U2AF2: variants seen among roughly 807,000 people sequenced by gnomAD.
U2AF2 encodes U2 small nuclear RNA auxiliary factor 2.
In U2AF2, 6 loss-of-function variants were observed where a neutral mutation model predicts 52.6. The observed-to-expected ratio is 0.11, with a 90% CI of 0.06 to 0.23. The LOEUF is 0.23. U2AF2 is among the 10% of genes least tolerant of loss of function. The pLI, the probability that U2AF2 is intolerant of heterozygous loss-of-function variation, is 1.00. For synonymous variants in U2AF2, 284 were observed against 258.2 expected (o/e 1.10, Z -0.96); for missense variants, 222 against 677.1 (o/e 0.33, Z 7.46).
rs754980186 is a variant in U2AF2 at position 55,662,567 on chromosome 19, C to T, written c.552C>T (p.Asn184=). The part of the protein sequence containing the change: ...RLGGLTQAPG[N]PVLAVQINQD... ...GGGGGCTGACCCAGGCCCCTGGCAA[C>T]CCAGTGTTGGCTGTGCAGATTAACC... The change falls in exon 6 of 12, where the codon AAC becomes AAT. Residue 184 remains asparagine (N), a synonymous_variant. Coordinates refer to ENST00000308924, the MANE Select transcript of U2AF2 (RefSeq NM_007279.3). 1.9e-6 allele frequency: 3 copies of T among 1,612,092 alleles called. No homozygotes were observed. The highest frequency in any genetic ancestry group is 2.2e-5 in the East Asian group (1 of 44,766).
Position 55,668,408 on chromosome 19 carries a change from A to C in U2AF2, c.743-99A>C, listed in dbSNP as rs2123691747. 8.3e-7 allele frequency: 1 copy of C among 1,198,578 alleles called. No homozygotes were observed. Among genetic ancestry groups the C allele is most frequent in the East Asian group, 2.5e-5 (1 of 39,708 alleles). 74.2% of individuals were successfully genotyped at this position (1,198,578 alleles called of 1,614,324 possible). A position where few individuals can be genotyped will look rare whatever the true frequency, so the allele number is the denominator to read the frequency against. ...CCCTCCCTCGTCAGATCAGGCAGGA[A>C]GTGTTCTCTTTGGCAATTGAGGAGC... On this transcript the variant is annotated intron_variant, in intron 7 of 11. Transcript: ENST00000308924. The surrounding 1 kb of genome is among the most constrained non-coding windows in gnomAD (Gnocchi z 5.5).
At chr19:55,655,857 C>T (rs1983761118) in intron 1 of U2AF2, among the ~76,000 whole-genome samples, 1 of 152,266 alleles carries the variant, frequency 6.6e-6, no homozygotes, top group Non-Finnish European at 1.5e-5. Flanking sequence ...ACACATCCTG[C>T]ATATGCGGGG....
intron 1 of U2AF2, among the ~76,000 whole-genome samples, chr19:55,658,574 G>C (rs528608453): frequency 2.0e-5 from 3 of 152,276 alleles, no homozygotes; most frequent in African/African-American, 7.2e-5. Context: ...GATGGGGCAA[G>C]CTCCTCCCCT....
chr19:55,655,343 G>A (rs1983711596), intron 1 of U2AF2, among the ~76,000 whole-genome samples, 190 bp downstream of exon 1: 1 of 152,192 alleles, frequency 6.6e-6, no homozygotes, highest in Admixed American at 6.5e-5. Flanking sequence ...GAGGGGAAGG[G>A]GGCGGCGGGG....
chr19:55,661,000 C>G (rs1568549844), intron 4 of U2AF2, 38 bp from the exon 5 acceptor site: 3 of 1,545,286 alleles, frequency 1.9e-6, no homozygotes, highest in Admixed American at 3.7e-5. Context: ...TGAGCATTCC[C>G]CTGATGGGGT....
intron 6 of U2AF2, among the ~76,000 whole-genome samples, chr19:55,662,841 C>T (rs982053426): frequency 1.3e-5 from 2 of 152,156 alleles, no homozygotes; most frequent in African/African-American, 4.8e-5. Context: ...TGTTTGGCCT[C>T]TGTAGACCTC....
Position 55,660,239 on chromosome 19 carries a change from C to A in U2AF2, c.230+18C>A. On this transcript the variant is annotated intron_variant, in intron 3 of 11. Coordinates refer to ENST00000308924, the MANE Select transcript of U2AF2 (RefSeq NM_007279.3). ...GGACTGATGTGAGCTTCTCTTCCTG[C>A]CCCTTCCTCCCTGATGTCCACTCCC... 1 of 1,610,948 alleles carries A rather than the reference C, an allele frequency of 6.2e-7. No individual in the cohort carries two copies. The highest frequency in any genetic ancestry group is 8.5e-7 in the Non-Finnish European group (1 of 1,178,358).
chr19:55,662,474 C>A, intron 5 of U2AF2, 28 bp from the exon 6 acceptor site: 1 of 1,319,620 alleles, frequency 7.6e-7, no homozygotes. Context: ...TCCCCCGCCC[C>A]CCCCCTTGTC....
chr19:55,660,294 C>G, intron 3 of U2AF2, 73 bp downstream of exon 3: 1 of 1,536,176 alleles, frequency 6.5e-7, no homozygotes, highest in East Asian at 2.3e-5. Flanking sequence ...TGCACCCTGT[C>G]CCGCCCATTT....
At position 55,673,600 on chromosome 19, in the gene U2AF2, C is replaced by T. The variant is rs1196710534; in HGVS notation, c.1294-334C>T. On this transcript the variant is annotated intron_variant, in intron 11 of 11. Coordinates refer to ENST00000308924, the MANE Select transcript of U2AF2 (RefSeq NM_007279.3). ...TCTGGGAGCGCCCACCATGGTGGCT[C>T]GTGTGGAGTAGACACTCAGCACGAG... is the stretch of plus-strand genomic sequence containing the variant. Among the ~76,000 whole-genome samples the T allele has an allele frequency of 2.6e-5, 4 of 152,132 alleles. No homozygotes were observed. The East Asian group carries it at 5.8e-4, about 22-fold the overall frequency.
At position 55,668,804 on chromosome 19, in the gene U2AF2, G is replaced by A. The variant is rs771604583; in HGVS notation, c.945+12G>A. 6.2e-7 allele frequency: 1 copy of A among 1,606,902 alleles called. No individual in the cohort carries two copies. The highest frequency in any genetic ancestry group is 8.5e-7 in the Non-Finnish European group (1 of 1,175,298). On this transcript the variant is annotated intron_variant, in intron 9 of 11. Coordinates refer to ENST00000308924, the MANE Select transcript of U2AF2 (RefSeq NM_007279.3). The surrounding 1 kb of genome is among the most constrained non-coding windows in gnomAD (Gnocchi z 5.5). ...ACGTCACGGATCAGGTGAGTCCCCG[G>A]TCGCTGGCCGCTGCCGCGTCTGTCC...
intron 2 of U2AF2, among the ~76,000 whole-genome samples, 195 bp from the exon 3 acceptor site, chr19:55,659,982 C>T (rs553223448): frequency 6.6e-6 from 1 of 152,108 alleles, no homozygotes; most frequent in African/African-American, 2.4e-5. Flanking sequence ...CCCCTTTCTC[C>T]TTTCCTCACT....
At chr19:55,655,980 G>C (rs751627239) in intron 1 of U2AF2, among the ~76,000 whole-genome samples, 1 of 152,158 alleles carries the variant, frequency 6.6e-6, no homozygotes, top group Non-Finnish European at 1.5e-5. Context: ...TCAATATAGA[G>C]ATAAGAAAAC....
Position 55,660,507 on chromosome 19 carries a change from C to CCCCCCCCGTCGT in U2AF2, c.231-9_231-8insCCCCCCCGTCGT. On this transcript the variant is annotated splice_polypyrimidine_tract_variant and intron_variant, in intron 3 of 11. Coordinates refer to ENST00000308924, the MANE Select transcript of U2AF2 (RefSeq NM_007279.3). ...GCCCTGCCCCGCTCTCCCCTCCCACCTCCCCCAGTCGTTCCCCCCGCCACG... is the reference window on the plus strand; with the variant it reads ...GCCCTGCCCCGCTCTCCCCTCCCACCCCCCCCCGTCGTTCCCCCAGTCGTTCCCCCCGCCACG... 1 of 1,309,724 alleles carries CCCCCCCCGTCGT rather than the reference C, an allele frequency of 7.6e-7. No individual in the cohort carries two copies. 81.1% of individuals were successfully genotyped at this position (1,309,724 alleles called of 1,614,324 possible).
intron 11 of U2AF2, 143 bp downstream of exon 11, chr19:55,669,835 G>A (rs1984777254): frequency 3.1e-6 from 4 of 1,310,076 alleles, no homozygotes; most frequent in Non-Finnish European, 4.1e-6. Flanking sequence ...CTCTCGCAGC[G>A]CGTGCGTATA....
rs2123691391 is a variant in U2AF2, at chr19:55,668,150, A to AC, written c.743-355dup. Reference sequence around the variant, plus strand: ...GAAGGGGTGGGGTGTGTTGTGACTCACCAGTAGGTCCCGAGCCCAGGTGAC... The same window carrying AC: ...GAAGGGGTGGGGTGTGTTGTGACTCACCCAGTAGGTCCCGAGCCCAGGTGAC... On this transcript the variant is annotated intron_variant, in intron 7 of 11. Coordinates refer to ENST00000308924, the MANE Select transcript of U2AF2 (RefSeq NM_007279.3). This position sits in a 1 kb window ranked among gnomAD's most constrained non-coding sequence, Gnocchi z 5.5. Among the ~76,000 whole-genome samples the AC allele has an allele frequency of 6.6e-6, 1 of 152,226 alleles. No individual in the cohort carries two copies. Among genetic ancestry groups the AC allele is most frequent in the African/African-American group, 2.4e-5 (1 of 41,548 alleles).
Position 55,663,753 on chromosome 19 carries a change from G to C in U2AF2, c.742+9G>C. 6.2e-7 allele frequency: 1 copy of C among 1,613,972 alleles called. No individual in the cohort carries two copies. The highest frequency in any genetic ancestry group is 8.5e-7 in the Non-Finnish European group (1 of 1,179,942). On this transcript the variant is annotated intron_variant, in intron 7 of 11. Coordinates refer to ENST00000308924, the MANE Select transcript of U2AF2 (RefSeq NM_007279.3). ...CTCCGTCTATGTGCCTGGTGAGTGG[G>C]GGATCCATTAAGGGCCCCTTTCTCC...
intron 11 of U2AF2, among the ~76,000 whole-genome samples, chr19:55,670,361 T>A (rs1984818059): frequency 6.7e-6 from 1 of 150,308 alleles, no homozygotes; most frequent in South Asian, 2.1e-4. Flanking sequence ...TGGGTGTATG[T>A]ATGGAATTCC....
intron 7 of U2AF2, among the ~76,000 whole-genome samples, chr19:55,666,983 G>C (rs1277138737): frequency 6.6e-6 from 1 of 152,204 alleles, no homozygotes; most frequent in Admixed American, 6.5e-5. Context: ...GCAGTAGGAG[G>C]TTGAAAGTCT....
Sources: gnomAD v4.1 joint callset for allele counts (sites outside exome capture counted in the v4.1 genomes callset) on GRCh38, gnomAD v4.1.1 for gene constraint, Gnocchi (gnomAD v3.1) non-coding constraint, MANE v1.5 for transcripts, NCBI Gene and HGNC (gene_info 2026-07-23, HGNC 2026-07-21) for gene names.